Variants in NELFA observed in about 807,000 individuals in gnomAD.
NELFA encodes negative elongation factor A.
NELFA carries 35 observed loss-of-function variants against 51.8 expected under a neutral mutation model. The ratio of observed to expected loss-of-function variants is 0.68; its 90% CI spans 0.52 to 0.90. The LOEUF is 0.90. Ranked by LOEUF, NELFA falls within the 40% of genes least tolerant of loss-of-function variation. The probability of loss-of-function intolerance (pLI) is 0.00; values close to 1 mark genes in which losing one functional copy is unlikely to be tolerated. For synonymous variants in NELFA, 417 were observed against 338.4 expected, an observed-to-expected ratio of 1.23 and a Z score of -2.55; for missense variants, 658 against 746.4, an observed-to-expected ratio of 0.88 and a Z score of 1.38.
intron 1 of NELFA, among the ~76,000 whole-genome samples, chr4:1,997,618 T>C (rs1474721795): frequency 6.6e-6 from 1 of 152,218 alleles, no homozygotes; most frequent in Non-Finnish European, 1.5e-5. Flanking sequence ...TTGGCAAGGA[T>C]GTGAGAGACT....
chr4:1,985,981 A>AGC (rs1347432815), intron 6 of NELFA, 117 bp from the exon 7 acceptor site: 1 of 1,341,990 alleles, frequency 7.5e-7, no homozygotes, highest in Non-Finnish European at 1.0e-6. Flanking sequence ...CGAGGAGAAA[A>AGC]GCAGGCACCC....
intron 6 of NELFA, 75 bp downstream of exon 6, chr4:1,986,039 G>C: frequency 1.0e-5 from 15 of 1,493,832 alleles, no homozygotes; most frequent in Non-Finnish European, 1.4e-5. Context: ...CGCCGAGCGT[G>C]GGCACAACCC....
intron 1 of NELFA, among the ~76,000 whole-genome samples, chr4:1,997,471 C>T (rs1342473751): frequency 6.6e-6 from 1 of 152,188 alleles, no homozygotes. Flanking sequence ...CGCAGGAATG[C>T]AAGGTTGGTT....
chr4:1,984,002 G>A lies in NELFA; in HGVS notation c.1148C>T (p.Pro383Leu), dbSNP rs1206889420. The A allele has an allele frequency of 1.2e-6, 2 of 1,609,280 alleles. No homozygotes were observed. The highest frequency in any genetic ancestry group is 3.3e-5 in the Admixed American group (2 of 59,958). Residue 383 changes from proline to leucine, a missense_variant, in exon 9 of 11, where the codon CCT becomes CTT. Pro to Leu is a moderately conservative substitution (Grantham distance 98). This residue lies in a region of NELFA where 200 missense variants were observed against 167.9 expected (regional missense o/e 1.19). Coordinates refer to ENST00000382882, the MANE Select transcript of NELFA (RefSeq NM_005663.5). ...RAPMYNSGLS[P>L]ATPTPAAPTS... ...GGGCGCCGCAGGCGTGGGTGTGGCAGGGCTCAGGCCGCTGTTGTACATGGG... is the reference window on the plus strand; with the variant it reads ...GGGCGCCGCAGGCGTGGGTGTGGCAAGGCTCAGGCCGCTGTTGTACATGGG...
At chr4:1,991,516 C>G in intron 2 of NELFA, 28 bp downstream of exon 2, 1 of 1,607,766 alleles carries the variant, frequency 6.2e-7, no homozygotes, top group South Asian at 1.1e-5. Flanking sequence ...TCCCTCCACC[C>G]AACATGAATT....
intron 1 of NELFA, among the ~76,000 whole-genome samples, chr4:2,000,651 A>C (rs1018691068): frequency 6.6e-6 from 1 of 152,216 alleles, no homozygotes; most frequent in Admixed American, 6.5e-5. Flanking sequence ...AAAATGAGGC[A>C]GTAACAACCT....
At chr4:1,983,763 C>A in intron 9 of NELFA, 68 bp from the exon 10 acceptor site, 1 of 1,597,636 alleles carries the variant, frequency 6.3e-7, no homozygotes, top group Non-Finnish European at 8.5e-7. Flanking sequence ...CCCCTGCAGG[C>A]ACCGTGGCAC....
intron 1 of NELFA, among the ~76,000 whole-genome samples, chr4:1,995,028 C>G (rs991202993): frequency 1.3e-5 from 2 of 152,274 alleles, no homozygotes; most frequent in Admixed American, 6.5e-5. Context: ...CCAGGTGTGT[C>G]TGTGAGGATG....
Position 1,988,035 on chromosome 4 carries a change from G to C in NELFA, c.545-28C>G. On this transcript the variant is annotated intron_variant, in intron 3 of 10. Transcript: ENST00000382882. Reference sequence around the variant, plus strand: ...GGAAGGAAGAGGTCACATATGTCAGGGATCCTCAGAGCGAGAGCCCTTGGC... The same window carrying C: ...GGAAGGAAGAGGTCACATATGTCAGCGATCCTCAGAGCGAGAGCCCTTGGC... 6 of 1,590,974 alleles carry C rather than the reference G, an allele frequency of 3.8e-6. No homozygotes were observed. In the South Asian group the frequency reaches 5.6e-5, roughly 15 times the overall value.
In NELFA at chr4:1,989,713, T is replaced by C; in HGVS notation, c.539A>G (p.Gln180Arg). 1 of 1,613,556 alleles carries C rather than the reference T, an allele frequency of 6.2e-7. No individual in the cohort carries two copies. Among genetic ancestry groups the C allele is most frequent in the Non-Finnish European group, 8.5e-7 (1 of 1,179,840 alleles). ...KSATLRAELL[Q>R]KSTETAQQLK... The stretch of plus-strand genomic sequence containing the variant: ...TGGCGGCCGCGGCCACTCACACTTC[T>C]GCAGCAGCTCCGCCCGCAGCGTGGC... The change falls in exon 3 of 11, where the codon CAG becomes CGG. Residue 180 changes from glutamine to arginine, a missense_variant. Physicochemically the swap from Gln to Arg is conservative, Grantham distance 43 (BLOSUM62 1). Transcript: ENST00000382882. This position sits in a 1 kb window ranked among gnomAD's most constrained non-coding sequence, Gnocchi z 4.8.
rs375497988 is a variant in NELFA at position 1,983,272 on chromosome 4, G to A, written c.*47C>T. 53 of 1,568,566 alleles carry A rather than the reference G, an allele frequency of 3.4e-5. No homozygotes were observed. The highest frequency in any genetic ancestry group is 1.7e-4 in the Middle Eastern group (1 of 5,854). On this transcript the variant is annotated 3_prime_UTR_variant, in exon 11 of 11. Coordinates refer to ENST00000382882, the MANE Select transcript of NELFA (RefSeq NM_005663.5). ...GTTACTTTAAGCTGGCAAAGCCATC[G>A]TCCCGTGGACCCCCACAAGTGACGG... is the stretch of plus-strand genomic sequence containing the variant.
chr4:1,988,114 C>G, intron 3 of NELFA, 107 bp from the exon 4 acceptor site: 1 of 898,146 alleles, frequency 1.1e-6, no homozygotes, highest in Non-Finnish European at 1.7e-6. Flanking sequence ...GAGCCGTGAA[C>G]GCTGCATTCT....
chr4:1,989,931 A>G lies in NELFA; in HGVS notation c.383-62T>C. On this transcript the variant is annotated intron_variant, in intron 2 of 10. Transcript: ENST00000382882. The surrounding 1 kb of genome is among the most constrained non-coding windows in gnomAD (Gnocchi z 4.8). ...GGCCGCAGACCTCCCGGCTGAGAGG[A>G]GCTGGCGGCTGCCCAGCCCCACACC... is the stretch of plus-strand genomic sequence containing the variant. 2 of 1,567,154 alleles carry G rather than the reference A, an allele frequency of 1.3e-6. No homozygotes were observed. Among genetic ancestry groups the G allele is most frequent in the Non-Finnish European group, 1.7e-6 (2 of 1,155,586 alleles).
At position 1,983,245 on chromosome 4, in the gene NELFA, C is replaced by T. The variant is rs955969043; in HGVS notation, c.*74G>A. On this transcript the variant is annotated 3_prime_UTR_variant, in exon 11 of 11. Coordinates refer to ENST00000382882, the MANE Select transcript of NELFA (RefSeq NM_005663.5). ...CCTCGGGGGCCAGGTGTCCGCCATC[C>T]GGTTACTTTAAGCTGGCAAAGCCAT... 2.4e-5 allele frequency: 36 copies of T among 1,485,174 alleles called. No homozygotes were observed. The highest frequency in any genetic ancestry group is 2.1e-4 in the East Asian group (9 of 43,016). The allele number at this position is 1,485,174 out of a possible 1,614,324, so 92.0% of individuals were successfully genotyped here.
rs368523676 is a variant in NELFA, at chr4:1,984,055, C to T, written c.1095G>A (p.Thr365=). 2.0e-5 allele frequency: 32 copies of T among 1,602,424 alleles called. No individual in the cohort carries two copies. Among genetic ancestry groups the T allele is most frequent in the Middle Eastern group, 1.8e-4 (1 of 5,500 alleles). ...PPEEPSAPSP[T]LPAQFKQRAP... ...CCCGCTGCTTGAACTGCGCTGGCAA[C>T]GTGGGGCTCGGGGCGCTGGGCTCCT... The change falls in exon 9 of 11, where the codon ACG becomes ACA. Residue 365 remains threonine, a synonymous_variant. Transcript: ENST00000382882.
intron 1 of NELFA, among the ~76,000 whole-genome samples, chr4:2,005,071 G>A (rs1213187856): frequency 6.6e-6 from 1 of 151,904 alleles, no homozygotes; most frequent in African/African-American, 2.4e-5. Context: ...GCCTCCCAAA[G>A]TGCTGGGATT....
intron 4 of NELFA, 163 bp downstream of exon 4, chr4:1,987,755 C>A: frequency 3.3e-6 from 2 of 599,048 alleles, no homozygotes; most frequent in Non-Finnish European, 5.7e-6. Flanking sequence ...AGGGGAGAAG[C>A]CGGTGAAATT....
intron 1 of NELFA, among the ~76,000 whole-genome samples, chr4:1,993,795 CTTTTTTTTT>C (rs1202916976): frequency 8.4e-6 from 1 of 118,944 alleles, no homozygotes; most frequent in Non-Finnish European, 1.7e-5. Flanking sequence ...TCCCCTGGGC[CTTTTTTTTT>C]TTTTTTTTTT....
At chr4:2,008,096 C>G (rs1417620920) in intron 1 of NELFA, 1 of 452,418 alleles carries the variant, frequency 2.2e-6, no homozygotes, top group Non-Finnish European at 4.5e-6. Context: ...CTGGAGCTAC[C>G]GAGCCCAGGC....
Sources: allele counts gnomAD v4.1 joint callset (sites outside exome capture counted in the v4.1 genomes callset), GRCh38; gene constraint gnomAD v4.1.1; regional missense constraint gnomAD v4.1.1; non-coding constraint Gnocchi (gnomAD v3.1); transcripts MANE v1.5; gene names NCBI Gene and HGNC (gene_info 2026-07-23, HGNC 2026-07-21).